Variants in SHTN1 observed in about 807,000 individuals in gnomAD.
SHTN1 encodes the protein shootin 1.
In SHTN1, 42 loss-of-function variants were observed where a neutral mutation model predicts 83.1. The observed-to-expected ratio is 0.51, with a 90% CI of 0.39 to 0.65. The LOEUF (loss-of-function observed/expected upper bound fraction) is 0.65. SHTN1 is among the 30% of genes least tolerant of loss of function. SHTN1 has a pLI of 0.00. For synonymous variants in SHTN1, 224 were observed against 247.7 expected, an observed-to-expected ratio of 0.90 and a Z score of 0.90; for missense variants, 622 against 737.8, an observed-to-expected ratio of 0.84 and a Z score of 1.82.
At chr10:117,090,816 A>C in intron 1 of SHTN1, among the ~76,000 whole-genome samples, 1 of 125,234 alleles carries the variant, frequency 8.0e-6, no homozygotes, top group East Asian at 2.8e-4. Flanking sequence ...GAAGGAAGGA[A>C]GGAAAGGAGG....
chr10:116,936,300 G>A (rs1849158596), intron 9 of SHTN1, among the ~76,000 whole-genome samples: 1 of 152,056 alleles, frequency 6.6e-6, no homozygotes, highest in South Asian at 2.1e-4. Context: ...TCTCCTGTGG[G>A]CATTTAGTGC....
At chr10:117,008,092 C>A (rs1001960539), upstream of SHTN1, among the ~76,000 whole-genome samples, 1 of 151,912 alleles carries the variant, frequency 6.6e-6, no homozygotes, top group Non-Finnish European at 1.5e-5. Context: ...TCATTTAAAA[C>A]CCTTAAAAAT....
rs573056644 is a variant in SHTN1 at position 116,948,457 on chromosome 10, C to T, written c.616+459G>A. Among the ~76,000 whole-genome samples, 111 of 152,264 alleles carry T rather than the reference C, an allele frequency of 7.3e-4. 2 individuals are homozygous for T. The South Asian group carries it at 0.022, about 30-fold the overall frequency. ...TGTGCAAGACCTCAGAACAAGTATG[C>T]ACTTTGTATACCAATCTAACTCTTA... On this transcript the variant is annotated intron_variant, in intron 7 of 16. Transcript: ENST00000355371.
chr10:116,979,357 G>T, intron 1 of SHTN1, 49 bp from the exon 2 acceptor site: 1 of 1,514,778 alleles, frequency 6.6e-7, no homozygotes, highest in Non-Finnish European at 9.1e-7. Flanking sequence ...AAAGTTTACT[G>T]CAGGGCAACC....
At chr10:116,994,185 CA>C (rs1425908691) in intron 1 of SHTN1, among the ~76,000 whole-genome samples, 7 of 151,884 alleles carry the variant, frequency 4.6e-5, no homozygotes, top group Admixed American at 6.6e-5. Context: ...AAGTTATAAG[CA>C]AGATATGAGG....
At chr10:117,108,718 AAC>A in intron 1 of SHTN1, among the ~76,000 whole-genome samples, 1 of 152,140 alleles carries the variant, frequency 6.6e-6, no homozygotes, top group Non-Finnish European at 1.5e-5. Flanking sequence ...ATAATTTAAA[AAC>A]AAGAAAAAAA....
intron 1 of SHTN1, among the ~76,000 whole-genome samples, chr10:117,053,362 T>C (rs986822791): frequency 1.3e-5 from 2 of 152,060 alleles, no homozygotes; most frequent in Admixed American, 6.6e-5. Context: ...ATGGAGTATA[T>C]ATCTAATAAT....
rs112122466 is a variant in SHTN1, at chr10:117,002,673, G to A, written c.58+2349C>T. ...CCCAATTAGTTCTACAGGTCAAACA[G>A]TAACTGAACACTTTTGAAGTAAATT... On this transcript the variant is annotated intron_variant, in intron 1 of 16. Coordinates refer to ENST00000355371, the MANE Select transcript of SHTN1 (RefSeq NM_001127211.3). 3.1e-3 allele frequency among the ~76,000 whole-genome samples: 473 copies of A among 152,274 alleles called. 1 individual carries two copies. The highest frequency in any genetic ancestry group is 3.8e-3 in the Non-Finnish European group (256 of 68,006).
At chr10:117,091,957 T>C (rs1214884947) in intron 1 of SHTN1, among the ~76,000 whole-genome samples, 1 of 152,192 alleles carries the variant, frequency 6.6e-6, no homozygotes, top group African/African-American at 2.4e-5. Context: ...ATGTGTCAAG[T>C]GATCAGGGCT....
intron 1 of SHTN1, among the ~76,000 whole-genome samples, chr10:117,099,720 T>C (rs1277648851): frequency 6.6e-6 from 1 of 152,214 alleles, no homozygotes; most frequent in South Asian, 2.1e-4. Flanking sequence ...AGGCGCTCCA[T>C]GAATACTTGT....
chr10:116,922,858 T>C (rs536351888), intron 11 of SHTN1, among the ~76,000 whole-genome samples: 6 of 152,040 alleles, frequency 3.9e-5, no homozygotes, highest in African/African-American at 1.2e-4. Flanking sequence ...TCCCAGCTAC[T>C]TGGGAAGCTG....
At chr10:116,987,636 G>C (rs1215100004) in intron 1 of SHTN1, among the ~76,000 whole-genome samples, 2 of 152,128 alleles carry the variant, frequency 1.3e-5, no homozygotes, top group Non-Finnish European at 2.9e-5. Flanking sequence ...TCAGTGGGAG[G>C]TCAGACGCAG....
At chr10:116,979,233 G>A (rs1850926336) in intron 2 of SHTN1, 23 bp downstream of exon 2, 2 of 1,602,208 alleles carry the variant, frequency 1.2e-6, no homozygotes, top group Non-Finnish European at 1.7e-6. Context: ...TAAGAAAGGG[G>A]AAAAAAAAGG....
intron 11 of SHTN1, among the ~76,000 whole-genome samples, chr10:116,923,673 A>AG (rs1848642041): frequency 6.6e-6 from 1 of 151,874 alleles, no homozygotes; most frequent in Non-Finnish European, 1.5e-5. Context: ...TTACTGCCTC[A>AG]GCCTTTGGAG....
At chr10:116,899,590 T>C (rs2133319787) in intron 16 of SHTN1, among the ~76,000 whole-genome samples, 1 of 151,662 alleles carries the variant, frequency 6.6e-6, no homozygotes, top group African/African-American at 2.4e-5. Context: ...AATGTCTGTA[T>C]TTAGAGCCGA....
chr10:117,050,019 T>C (rs929348237), intron 1 of SHTN1, among the ~76,000 whole-genome samples: 3 of 151,914 alleles, frequency 2.0e-5, no homozygotes, highest in African/African-American at 4.8e-5. Flanking sequence ...CAGAAATAAA[T>C]GAAACTGAAA....
intron 14 of SHTN1, among the ~76,000 whole-genome samples, chr10:116,908,119 G>A (rs545765615): frequency 1.3e-5 from 2 of 152,216 alleles, no homozygotes; most frequent in East Asian, 3.9e-4. Context: ...TGAAGTTACA[G>A]AAAAGTAACC....
chr10:117,076,299 G>A (rs188959465), intron 1 of SHTN1, among the ~76,000 whole-genome samples: 13 of 152,148 alleles, frequency 8.5e-5, no homozygotes, highest in Non-Finnish European at 1.9e-4. Context: ...AGTAGGGGTA[G>A]AAAGGAGTGG....
At chr10:117,060,291 A>G (rs1852881369) in intron 1 of SHTN1, among the ~76,000 whole-genome samples, 1 of 152,166 alleles carries the variant, frequency 6.6e-6, no homozygotes, top group Non-Finnish European at 1.5e-5. Flanking sequence ...ATGCTAACAC[A>G]TAGTGGGTTT....
Sources: gnomAD v4.1 joint callset for allele counts (sites outside exome capture counted in the v4.1 genomes callset) on GRCh38, gnomAD v4.1.1 for gene constraint, MANE v1.5 for transcripts, NCBI Gene and HGNC (gene_info 2026-07-23, HGNC 2026-07-21) for gene names.